The following TNS3 variants were observed in gnomAD, a reference collection of about 807,000 sequenced individuals.
TNS3 encodes the protein tensin 3.
TNS3 carries 45 observed loss-of-function variants against 140.9 expected under a neutral mutation model. The observed-to-expected ratio is 0.32, with a 90% CI of 0.25 to 0.41. The LOEUF (loss-of-function observed/expected upper bound fraction) is 0.41. Ranked by LOEUF, TNS3 falls within the 10% of genes least tolerant of loss-of-function variation. TNS3 has a pLI of 1.00. For missense variants in TNS3, 1,716 were observed against 1,906.7 expected (o/e 0.90, Z 1.86); for synonymous variants, 815 against 788.4 (o/e 1.03, Z -0.56).
chr7:47,480,660 AACACACAC>A (rs10648170), intron 4 of TNS3, among the ~76,000 whole-genome samples: 1 of 151,732 alleles, frequency 6.6e-6, no homozygotes, highest in Non-Finnish European at 1.5e-5. Context: ...ATCTGATTTG[AACACACAC>A]ACACACACCC....
intron 20 of TNS3, among the ~76,000 whole-genome samples, chr7:47,306,135 C>T (rs1393432122): frequency 6.6e-6 from 1 of 152,084 alleles, no homozygotes; most frequent in Non-Finnish European, 1.5e-5. Context: ...ATGACATTTA[C>T]TAAGAATACT....
Position 47,280,291 on chromosome 7 carries a change from G to A in TNS3, c.4161C>T (p.Asp1387=). 6.2e-7 allele frequency: 1 copy of A among 1,614,142 alleles called. No homozygotes were observed. Among genetic ancestry groups the A allele is most frequent in the Non-Finnish European group, 8.5e-7 (1 of 1,180,036 alleles). ...TAAAAATGCAAATTTCTTACTTCCT[G>A]TCTTGTGGGTCCAAGGCACAGAAAA... The part of the protein sequence containing the change: ...SVIFCALDPQ[D]RKWIKDGPSS... The change falls in exon 29 of 31, where the codon GAC becomes GAT. Residue 1387 remains aspartate, a synonymous_variant. Transcript: ENST00000311160.
intron 2 of TNS3, among the ~76,000 whole-genome samples, chr7:47,520,904 A>G (rs1009909516): frequency 2.0e-5 from 3 of 152,222 alleles, no homozygotes; most frequent in African/African-American, 4.8e-5. Flanking sequence ...ATTGTTCTGG[A>G]AAGAACTTTG....
chr7:47,530,329 C>T (rs556072008), intron 1 of TNS3, among the ~76,000 whole-genome samples: 4 of 152,196 alleles, frequency 2.6e-5, no homozygotes, highest in South Asian at 2.1e-4. Context: ...AACCTCCCAA[C>T]GCAAAGCACA....
intron 5 of TNS3, among the ~76,000 whole-genome samples, chr7:47,441,027 C>T (rs1465584478): frequency 6.6e-6 from 1 of 152,024 alleles, no homozygotes; most frequent in African/African-American, 2.4e-5. Context: ...AAAGCAATCC[C>T]AGATACTATG....
In TNS3 at chr7:47,305,129, A is replaced by G. The variant is rs951052717; in HGVS notation, c.2651-126T>C. 4.2e-6 allele frequency: 3 copies of G among 709,708 alleles called. No homozygotes were observed. In the Admixed American group the frequency reaches 1.3e-4, roughly 31 times the overall value. 44.0% of individuals were successfully genotyped at this position (709,708 alleles called of 1,614,324 possible). Reference sequence around the variant, plus strand: ...TTGAGGCTTTCTGTCATCCATGGCCATACTGAACATGACATCACTACCCGT... The same window carrying G: ...TTGAGGCTTTCTGTCATCCATGGCCGTACTGAACATGACATCACTACCCGT... On this transcript the variant is annotated intron_variant, in intron 20 of 30. Coordinates refer to ENST00000311160, the MANE Select transcript of TNS3 (RefSeq NM_022748.12).
In TNS3 at chr7:47,400,827, C is replaced by T. The variant is rs769007587; in HGVS notation, c.811G>A (p.Gly271Arg). The change falls in exon 14 of 31, where the codon GGG (glycine) becomes AGG (arginine). Residue 271 changes from glycine to arginine, a missense_variant. Gly to Arg is a moderately radical substitution (Grantham distance 125, BLOSUM62 -2). Coordinates refer to ENST00000311160, the MANE Select transcript of TNS3 (RefSeq NM_022748.12). ...AGATCCTCCTTCCCAAACACCAGCC[C>T]GTAGCCCTGCACAGCCCCAGTGTGA... ...QFHTGAVQGY[G>R]LVFGKEDLDN... 3.7e-6 allele frequency: 6 copies of T among 1,614,200 alleles called. No homozygotes were observed. The highest frequency in any genetic ancestry group is 3.3e-5 in the South Asian group (3 of 91,070).
At position 47,283,611 on chromosome 7, in the gene TNS3, G is replaced by T. The variant is rs1785257781; in HGVS notation, c.4097+86C>A. 5 of 1,296,252 alleles carry T rather than the reference G, an allele frequency of 3.9e-6. No individual in the cohort carries two copies. The East Asian group carries it at 1.1e-4, about 28-fold the overall frequency. The allele number at this position is 1,296,252 out of a possible 1,614,324, so 80.3% of individuals were successfully genotyped here. Reference sequence around the variant, plus strand: ...TCAAAGACGGCTAATGATTTACCTGGATGACTACTCACACTAGGGAAGAAC... The same window carrying T: ...TCAAAGACGGCTAATGATTTACCTGTATGACTACTCACACTAGGGAAGAAC... On this transcript the variant is annotated intron_variant, in intron 28 of 30. Transcript: ENST00000311160.
At chr7:47,355,876 G>C (rs1789968561) in intron 17 of TNS3, among the ~76,000 whole-genome samples, 1 of 152,166 alleles carries the variant, frequency 6.6e-6, no homozygotes, top group South Asian at 2.1e-4. Context: ...TGGGATGAGG[G>C]AGGGGAAGGA....
At chr7:47,548,963 T>A (rs1296696747) in intron 1 of TNS3, among the ~76,000 whole-genome samples, 1 of 152,150 alleles carries the variant, frequency 6.6e-6, no homozygotes, top group Non-Finnish European at 1.5e-5. Context: ...CTCCTTCTCT[T>A]TCTCTTACAG....
chr7:47,415,308 G>A, intron 10 of TNS3, 102 bp from the exon 11 acceptor site: 1 of 781,122 alleles, frequency 1.3e-6, no homozygotes, highest in Non-Finnish European at 2.0e-6. Context: ...CTGGGGCTCT[G>A]GGAGAGAATC....
In TNS3 at chr7:47,346,212, A is replaced by G; in HGVS notation, c.2426T>C (p.Phe809Ser). The change falls in exon 18 of 31, where the codon TTC (phenylalanine) becomes TCC (serine). Residue 809 changes from phenylalanine to serine, a missense_variant. Transcript: ENST00000311160. ...CTCTTTGACGTCCGCTGGTGAGGGG[A>G]ATGGCGGCAGGTTTGGGGCATAGTC... ...GVDYAPNLPP[F>S]PSPADVKETM... 1 of 1,614,134 alleles carries G rather than the reference A, an allele frequency of 6.2e-7. No homozygotes were observed. Among genetic ancestry groups the G allele is most frequent in the Admixed American group, 1.7e-5 (1 of 60,028 alleles).
chr7:47,380,760 G>A (rs1160223740), intron 16 of TNS3, among the ~76,000 whole-genome samples: 1 of 150,706 alleles, frequency 6.6e-6, no homozygotes, highest in Non-Finnish European at 1.5e-5. Flanking sequence ...ATACACATAT[G>A]CACGCGCGCG....
At chr7:47,320,630 C>T (rs1787681961) in intron 20 of TNS3, among the ~76,000 whole-genome samples, 1 of 152,202 alleles carries the variant, frequency 6.6e-6, no homozygotes, top group South Asian at 2.1e-4. Flanking sequence ...CCTGATCGCC[C>T]CCTTCTACAG....
intron 9 of TNS3, among the ~76,000 whole-genome samples, chr7:47,426,892 G>A (rs556384719): frequency 8.1e-4 from 123 of 152,142 alleles, no homozygotes; most frequent in South Asian, 3.5e-3. Flanking sequence ...TTGGCAGGCC[G>A]AGGTGAGTGA....
Position 47,297,149 on chromosome 7 carries a change from T to G in TNS3, c.3609A>C (p.Arg1203=). 1 of 1,613,930 alleles carries G rather than the reference T, an allele frequency of 6.2e-7. No homozygotes were observed. Residue 1203 remains arginine, a synonymous_variant, in exon 24 of 31, where the codon CGA becomes CGC. Transcript: ENST00000311160. ...CCTTCATGGCCAGGCCATAGGCCCCTCGGAAGGAATGGCTGTCTCGAACAA... is the reference window on the plus strand; with the variant it reads ...CCTTCATGGCCAGGCCATAGGCCCCGCGGAAGGAATGGCTGTCTCGAACAA... ...SFIVRDSHSF[R]GAYGLAMKVA...
intron 2 of TNS3, among the ~76,000 whole-genome samples, chr7:47,525,699 T>A (rs565533334): frequency 6.6e-6 from 1 of 152,358 alleles, no homozygotes; most frequent in South Asian, 2.1e-4. Flanking sequence ...CATGCACGCA[T>A]GCACACACAT....
chr7:47,305,484 G>A (rs1280593067), intron 20 of TNS3, among the ~76,000 whole-genome samples: 3 of 152,338 alleles, frequency 2.0e-5, no homozygotes, highest in Non-Finnish European at 2.9e-5. Context: ...GCAGCCGGGC[G>A]GCCTAGGTGT....
chr7:47,500,668 A>ATTTGT (rs1221831773), intron 3 of TNS3, among the ~76,000 whole-genome samples: 1 of 152,226 alleles, frequency 6.6e-6, no homozygotes, highest in African/African-American at 2.4e-5. Context: ...CAGAGGGAGT[A>ATTTGT]ACCATCTTCC....
Sources: gnomAD v4.1 joint callset for allele counts (sites outside exome capture counted in the v4.1 genomes callset) on GRCh38, gnomAD v4.1.1 for gene constraint, MANE v1.5 for transcripts, NCBI Gene and HGNC (gene_info 2026-07-23, HGNC 2026-07-21) for gene names.